PCDHAC1: variants seen among roughly 807,000 people sequenced by gnomAD.
PCDHAC1 encodes protocadherin alpha-C1.
In PCDHAC1, 42 loss-of-function variants were observed where a neutral mutation model predicts 60.0. That is an observed-to-expected ratio of 0.70 (90% CI 0.55 to 0.90). The LOEUF is 0.90. PCDHAC1 is among the 40% of genes least tolerant of loss of function. PCDHAC1 has a pLI of 0.00. For synonymous variants in PCDHAC1, 468 were observed against 499.3 expected (o/e 0.94, Z 0.84); for missense variants, 1,160 against 1,222.3 (o/e 0.95, Z 0.76).
At position 140,928,550 on chromosome 5, in the gene PCDHAC1, C is replaced by A. The variant is rs781857799; in HGVS notation, c.1658C>A (p.Pro553Gln). Residue 553 changes from proline to glutamine, a missense_variant, in exon 1 of 4, where the codon CCG becomes CAG. By Grantham distance (76) the Pro-to-Gln change is moderately conservative. Coordinates refer to ENST00000253807, the MANE Select transcript of PCDHAC1 (RefSeq NM_018898.5). ...GTGGTAGATAGGAATGACAATTATCCGGTTATCTTGTTTCCCTTGCCCAGA... is the reference window on the plus strand; with the variant it reads ...GTGGTAGATAGGAATGACAATTATCAGGTTATCTTGTTTCCCTTGCCCAGA... ...LFVVDRNDNYPVILFPLPRNG... is the reference protein window; with the variant it reads ...LFVVDRNDNYQVILFPLPRNG... 6.2e-7 allele frequency: 1 copy of A among 1,614,160 alleles called. No individual in the cohort carries two copies. Among genetic ancestry groups the A allele is most frequent in the South Asian group, 1.1e-5 (1 of 91,084 alleles).
At chr5:140,964,062 C>T (rs1257577051) in intron 1 of PCDHAC1, among the ~76,000 whole-genome samples, 1 of 152,124 alleles carries the variant, frequency 6.6e-6, no homozygotes, top group Middle Eastern at 3.2e-3. Flanking sequence ...GTGGTCAAGG[C>T]ATTAGTGTTA....
At chr5:140,967,425 C>T in intron 1 of PCDHAC1, 1 of 1,613,294 alleles carries the variant, frequency 6.2e-7, no homozygotes, top group Non-Finnish European at 8.5e-7. Flanking sequence ...CGGGAGCAGG[C>T]AGCCTTGCAC....
intron 3 of PCDHAC1, among the ~76,000 whole-genome samples, chr5:140,999,859 C>T (rs2153959609): frequency 6.6e-6 from 1 of 152,256 alleles, no homozygotes; most frequent in South Asian, 2.1e-4. Context: ...TCTTCCGCTC[C>T]AAGATTACTG....
At chr5:141,006,363 C>A (rs2098270160) in intron 3 of PCDHAC1, among the ~76,000 whole-genome samples, 1 of 152,080 alleles carries the variant, frequency 6.6e-6, no homozygotes, top group Non-Finnish European at 1.5e-5. Context: ...AGGCGCCCAC[C>A]ACCACGCCCG....
At chr5:140,945,164 T>C (rs246060) in intron 1 of PCDHAC1, among the ~76,000 whole-genome samples, 85,686 of 151,808 alleles carry the variant, frequency 0.56, 24,785 homozygotes, top group African/African-American at 0.69. Flanking sequence ...TATTGAACTA[T>C]CTGAAAAATA....
At chr5:140,965,388 C>A (rs2095896527) in intron 1 of PCDHAC1, among the ~76,000 whole-genome samples, 1 of 151,982 alleles carries the variant, frequency 6.6e-6, no homozygotes, top group Non-Finnish European at 1.5e-5. Flanking sequence ...CACAGAAGAA[C>A]AGAAGTCTAA....
intron 1 of PCDHAC1, chr5:140,929,943 A>C (rs996777609): frequency 1.3e-5 from 2 of 152,224 alleles, no homozygotes; most frequent in African/African-American, 4.8e-5. Flanking sequence ...TCTCTAGCCT[A>C]TACTTTTAAT....
intron 1 of PCDHAC1, among the ~76,000 whole-genome samples, chr5:140,963,886 T>C (rs1211703076): frequency 6.6e-6 from 1 of 152,236 alleles, no homozygotes; most frequent in African/African-American, 2.4e-5. Flanking sequence ...TTGTTTTCCT[T>C]AATTAAAATG....
At chr5:140,968,697 C>G in intron 1 of PCDHAC1, 2 of 1,614,144 alleles carry the variant, frequency 1.2e-6, no homozygotes, top group South Asian at 2.2e-5. Flanking sequence ...GAAATTAGGA[C>G]TACCAGGAAG....
At chr5:140,980,076 G>A (rs2096875671) in intron 2 of PCDHAC1, among the ~76,000 whole-genome samples, 1 of 152,214 alleles carries the variant, frequency 6.6e-6, no homozygotes, top group South Asian at 2.1e-4. Flanking sequence ...AAGGGCTGAA[G>A]ATTAGTAGTT....
intron 1 of PCDHAC1, among the ~76,000 whole-genome samples, chr5:140,964,965 G>GA (rs1296818132): frequency 6.6e-6 from 1 of 152,204 alleles, no homozygotes; most frequent in Non-Finnish European, 1.5e-5. Context: ...TTGGTGGAAC[G>GA]AAGGGATGTG....
rs782537686 is a variant in PCDHAC1, at chr5:140,967,852, C to T, written c.2434-11097C>T. 13 of 1,614,142 alleles carry T rather than the reference C, an allele frequency of 8.1e-6. No homozygotes were observed. The Middle Eastern group carries it at 1.2e-3, about 143-fold the overall frequency. On this transcript the variant is annotated intron_variant, in intron 1 of 3. Transcript: ENST00000253807. ...ACATCGTGGACGTGAATGACAATGC[C>T]CCAGAGGTGGTGCTCACGGACCTGT...
Position 140,978,953 on chromosome 5 carries a change from G to A in PCDHAC1, c.2438G>A (p.Arg813Gln), listed in dbSNP as rs781913955. The A allele has an allele frequency of 1.4e-5, 23 of 1,613,930 alleles. No homozygotes were observed. In the South Asian group the frequency reaches 2.0e-4, roughly 14 times the overall value. Residue 813 changes from arginine to glutamine, a missense_variant, in exon 2 of 4, where the codon CGA becomes CAA. Arg to Gln is a conservative substitution (Grantham distance 43, BLOSUM62 1). Around this residue, in one of 3 missense-constraint regions of PCDHAC1, gnomAD observed 1,113 missense variants for 1,163.7 expected, o/e 0.96. Transcript: ENST00000253807. ...GDHANVNAMP[R>Q]QPNPDWRYSA... ...ACTCTCTTTGTGATTTTGCAGCCAC[G>A]ACAGCCCAACCCTGACTGGCGTTAC...
At chr5:141,000,639 G>A (rs1375900945) in intron 3 of PCDHAC1, among the ~76,000 whole-genome samples, 2 of 151,186 alleles carry the variant, frequency 1.3e-5, no homozygotes, top group East Asian at 1.9e-4. Flanking sequence ...TGTTGGGCAG[G>A]CTGGTCTCGA....
chr5:140,960,143 T>C (rs1250145398), intron 1 of PCDHAC1, among the ~76,000 whole-genome samples: 1 of 152,208 alleles, frequency 6.6e-6, no homozygotes, highest in Non-Finnish European at 1.5e-5. Context: ...TAGATATTAA[T>C]AGCTTGAGAC....
At chr5:140,969,260 C>G (rs782595245) in intron 1 of PCDHAC1, 1 of 1,614,228 alleles carries the variant, frequency 6.2e-7, no homozygotes, top group South Asian at 1.1e-5. Context: ...CAGCAGGAAT[C>G]TCACAGGCCA....
At chr5:140,957,070 C>T (rs1260856872) in intron 1 of PCDHAC1, among the ~76,000 whole-genome samples, 2 of 151,958 alleles carry the variant, frequency 1.3e-5, no homozygotes, top group Non-Finnish European at 2.9e-5. Context: ...TGACTGAGGG[C>T]TTTTTATTAA....
At chr5:140,984,968 C>T (rs1380988893) in intron 3 of PCDHAC1, among the ~76,000 whole-genome samples, 1 of 151,950 alleles carries the variant, frequency 6.6e-6, no homozygotes, top group South Asian at 2.1e-4. Flanking sequence ...GACAGAGTCT[C>T]GCTCTGTCCC....
At chr5:141,004,952 C>T (rs543938360) in intron 3 of PCDHAC1, among the ~76,000 whole-genome samples, 52 of 152,346 alleles carry the variant, frequency 3.4e-4, no homozygotes, top group African/African-American at 1.2e-3. Context: ...TACCCTCTCT[C>T]GTCACTGCCT....
Sources: gnomAD v4.1 joint callset for allele counts (sites outside exome capture counted in the v4.1 genomes callset) on GRCh38, gnomAD v4.1.1 for gene constraint, gnomAD v4.1.1 regional missense constraint, MANE v1.5 for transcripts, NCBI Gene and HGNC (gene_info 2026-07-23, HGNC 2026-07-21) for gene names.